The following KIF3A variants were observed in gnomAD, a reference collection of about 807,000 sequenced individuals.
KIF3A encodes kinesin-like protein KIF3A.
KIF3A carries 27 observed loss-of-function variants against 92.6 expected under a neutral mutation model. The ratio of observed to expected loss-of-function variants is 0.29; its 90% CI spans 0.21 to 0.40. The LOEUF (loss-of-function observed/expected upper bound fraction) is 0.40, where lower values mean the gene tolerates loss of function less well. Among genes scored for constraint, KIF3A ranks in the 10% least tolerant of loss-of-function variants. The pLI is 1.00. For missense variants in KIF3A, 581 were observed against 872.6 expected, an observed-to-expected ratio of 0.67 and a Z score of 4.21; for synonymous variants, 250 against 275.4, an observed-to-expected ratio of 0.91 and a Z score of 0.92.
intron 8 of KIF3A, among the ~76,000 whole-genome samples, chr5:132,712,054 T>C (rs1277155012): frequency 1.3e-5 from 2 of 152,228 alleles, no homozygotes; most frequent in Non-Finnish European, 2.9e-5. Context: ...GTAATAATTG[T>C]ACCTGTAAGT....
At chr5:132,703,716 C>A in intron 11 of KIF3A, 97 bp from the exon 12 acceptor site, 1 of 764,078 alleles carries the variant, frequency 1.3e-6, no homozygotes, top group Non-Finnish European at 2.0e-6. Context: ...CTACACTCCT[C>A]AATAATACAA....
downstream of KIF3A, among the ~76,000 whole-genome samples, chr5:132,691,989 A>T (rs11949166): frequency 0.6 from 90,245 of 150,446 alleles, 29,233 homozygotes; most frequent in Non-Finnish European, 0.75. Context: ...AAATTTAATT[A>T]AAAAAAAAGT....
chr5:132,725,110 CT>C (rs1187382984), intron 4 of KIF3A, among the ~76,000 whole-genome samples: 2 of 151,516 alleles, frequency 1.3e-5, no homozygotes, highest in African/African-American at 4.8e-5. Flanking sequence ...TGGAAATGTT[CT>C]TTCCAAATGA....
rs1280376638 is a variant in KIF3A at position 132,724,812 on chromosome 5, TATATATA to T, written c.510+1309_510+1315del. On this transcript the variant is annotated intron_variant, in intron 4 of 18. Coordinates refer to ENST00000403231, the MANE Select transcript of KIF3A (RefSeq NM_001300791.2). ...TATAATAAAAAAAAAAAAAAATATATATATATATATATATATATATATATATATATAT... is the reference window on the plus strand; with the variant it reads ...TATAATAAAAAAAAAAAAAAATATATTATATATATATATATATATATATAT... Among the ~76,000 whole-genome samples the T allele has an allele frequency of 8.3e-3, 103 of 12,442 alleles. 6 individuals carry two copies. The highest frequency in any genetic ancestry group is 0.022 in the African/African-American group (90 of 4,158). 8.2% of individuals were successfully genotyped at this position (12,442 alleles called of 152,430 possible).
intron 16 of KIF3A, 148 bp downstream of exon 16, chr5:132,700,499 G>A (rs1344852630): frequency 3.0e-6 from 2 of 659,604 alleles, no homozygotes; most frequent in East Asian, 5.4e-5. Context: ...TTAATTACAT[G>A]GAATTAGAAA....
intron 2 of KIF3A, among the ~76,000 whole-genome samples, chr5:132,731,364 T>C (rs1041627393): frequency 2.6e-5 from 4 of 152,140 alleles, no homozygotes; most frequent in African/African-American, 9.7e-5. Flanking sequence ...AATCAATCAA[T>C]GTAATTGACC....
intron 5 of KIF3A, among the ~76,000 whole-genome samples, chr5:132,720,002 T>G (rs1252664882): frequency 3.3e-5 from 5 of 152,148 alleles, no homozygotes; most frequent in Non-Finnish European, 4.4e-5. Context: ...CTAGGTTTTT[T>G]GGGTTTCTTC....
At chr5:132,690,547 A>G (rs1752636828), downstream of KIF3A, among the ~76,000 whole-genome samples, 1 of 152,252 alleles carries the variant, frequency 6.6e-6, no homozygotes, top group Non-Finnish European at 1.5e-5. Flanking sequence ...GAGAAGATGT[A>G]TATGCTAATT....
At chr5:132,721,620 A>G (rs1753827651) in intron 4 of KIF3A, 2 of 152,144 alleles carry the variant, frequency 1.3e-5, no homozygotes, top group Admixed American at 6.5e-5. Context: ...GTGTGTGTGC[A>G]TGCGCCTTTT....
chr5:132,730,015 C>T (rs958624194), intron 2 of KIF3A, among the ~76,000 whole-genome samples: 2 of 152,082 alleles, frequency 1.3e-5, no homozygotes, highest in East Asian at 1.9e-4. Flanking sequence ...AAAGAAAAGA[C>T]GTAAGTTACC....
At chr5:132,715,171 T>A (rs777740277) in intron 8 of KIF3A, among the ~76,000 whole-genome samples, 5 of 152,208 alleles carry the variant, frequency 3.3e-5, no homozygotes, top group African/African-American at 1.2e-4. Context: ...AAGGACTCAC[T>A]CAGCACTTAA....
chr5:132,706,543 C>A (rs1753219164), intron 10 of KIF3A, 84 bp from the exon 11 acceptor site: 1 of 1,159,640 alleles, frequency 8.6e-7, no homozygotes, highest in East Asian at 2.8e-5. Flanking sequence ...AACATTATTT[C>A]TCTTGTGAAA....
chr5:132,711,646 T>C (rs1753430101), intron 8 of KIF3A, among the ~76,000 whole-genome samples: 1 of 151,940 alleles, frequency 6.6e-6, no homozygotes, highest in Non-Finnish European at 1.5e-5. Context: ...TAAATATATA[T>C]ATAAATTATG....
downstream of KIF3A, among the ~76,000 whole-genome samples, chr5:132,691,403 C>T (rs1471605730): frequency 6.6e-6 from 1 of 151,676 alleles, no homozygotes; most frequent in Non-Finnish European, 1.5e-5. Flanking sequence ...CAAAGTTAGC[C>T]AAGCATGATG....
chr5:132,718,166 A>T (rs1753697637), intron 5 of KIF3A, among the ~76,000 whole-genome samples: 2 of 152,222 alleles, frequency 1.3e-5, no homozygotes. Context: ...CCAAATAAAT[A>T]TATGGTTTAA....
chr5:132,717,660 T>C (rs995001121), intron 5 of KIF3A, among the ~76,000 whole-genome samples: 3 of 151,940 alleles, frequency 2.0e-5, no homozygotes, highest in Non-Finnish European at 4.4e-5. Flanking sequence ...CCATTCAAAA[T>C]ATGCAAAGTA....
chr5:132,716,721 CAT>C, intron 6 of KIF3A, 122 bp downstream of exon 6: 1 of 1,060,774 alleles, frequency 9.4e-7, no homozygotes, highest in Non-Finnish European at 1.4e-6. Context: ...AAATAATAAA[CAT>C]ACACAAGTAA....
At chr5:132,692,445 T>C (rs1458436979), downstream of KIF3A, 1 of 152,212 alleles carries the variant, frequency 6.6e-6, no homozygotes, top group East Asian at 1.9e-4. Flanking sequence ...ATAACATCTC[T>C]CCCAGATTTG....
At position 132,708,949 on chromosome 5, in the gene KIF3A, T is replaced by A. The variant is rs1753320606; in HGVS notation, c.1258A>T (p.Thr420Ser). The A allele has an allele frequency of 2.6e-6, 4 of 1,550,200 alleles. No homozygotes were observed. Among genetic ancestry groups the A allele is most frequent in the African/African-American group, 1.4e-5 (1 of 73,008 alleles). The change falls in exon 10 of 19, where the codon ACA becomes TCA. Residue 420 changes from threonine to serine, a missense_variant. Coordinates refer to ENST00000403231, the MANE Select transcript of KIF3A (RefSeq NM_001300791.2). Reference protein sequence around the residue: ...GSSSSSSSDSTCSVIEKPLDK... With the variant: ...GSSSSSSSDSSCSVIEKPLDK... ...AGAGGTTTCTCTATGACAGAACATG[T>A]GGAGTCTGAACTACTGCTGCTGCTA...
Sources: allele counts gnomAD v4.1 joint callset (sites outside exome capture counted in the v4.1 genomes callset), GRCh38; gene constraint gnomAD v4.1.1; transcripts MANE v1.5; gene names NCBI Gene and HGNC (gene_info 2026-07-23, HGNC 2026-07-21).